The following CRTC3 variants were observed in gnomAD, a reference collection of about 807,000 sequenced individuals.
CRTC3 encodes CREB-regulated transcription coactivator 3.
A neutral mutation model predicts 74.5 loss-of-function variants in CRTC3; 26 were observed. The observed-to-expected ratio is 0.35, with a 90% CI of 0.26 to 0.48. The LOEUF (loss-of-function observed/expected upper bound fraction) is 0.48, where lower values mean the gene tolerates loss of function less well. Ranked by LOEUF, CRTC3 falls within the 20% of genes least tolerant of loss-of-function variation. The pLI, the probability that CRTC3 is intolerant of heterozygous loss-of-function variation, is 0.99. For missense variants in CRTC3, 760 were observed against 787.3 expected (o/e 0.97, Z 0.41); for synonymous variants, 377 against 325.8 (o/e 1.16, Z -1.69).
Position 90,641,992 on chromosome 15 carries a change from T to G in CRTC3, c.1712T>G (p.Val571Gly). 1 of 1,613,604 alleles carries G rather than the reference T, an allele frequency of 6.2e-7. No homozygotes were observed. Among genetic ancestry groups the G allele is most frequent in the South Asian group, 1.1e-5 (1 of 91,058 alleles). ...AGTGCGCTGGCAGGCCTGCCTGAGGTCAGCCTGAACGTGGACACTCCATTT... is the reference window on the plus strand; with the variant it reads ...AGTGCGCTGGCAGGCCTGCCTGAGGGCAGCCTGAACGTGGACACTCCATTT... ...LNSALAGLPE[V>G]SLNVDTPFPL... Residue 571 changes from valine to glycine, a missense_variant, in exon 15 of 15, where the codon GTC (valine) becomes GGC (glycine). By Grantham distance (109) the Val-to-Gly change is moderately radical (BLOSUM62 -3). Around this residue, in one of 2 missense-constraint regions of CRTC3, gnomAD observed 652 missense variants for 635.2 expected, o/e 1.03. Coordinates refer to ENST00000268184, the MANE Select transcript of CRTC3 (RefSeq NM_022769.5).
At chr15:90,619,605 G>T (rs1427499731) in intron 8 of CRTC3, 136 bp from the exon 9 acceptor site, 3 of 709,420 alleles carry the variant, frequency 4.2e-6, no homozygotes, top group Non-Finnish European at 5.0e-6. Flanking sequence ...CTAAAAGGCT[G>T]CTGTGTGAGG....
chr15:90,596,680 T>C (rs1049133333), intron 3 of CRTC3, among the ~76,000 whole-genome samples: 14 of 152,142 alleles, frequency 9.2e-5, no homozygotes, highest in African/African-American at 3.4e-4. Flanking sequence ...CTATTCCACT[T>C]GGAGGAGGAG....
At chr15:90,584,584 GGGT>G (rs1300876116) in intron 2 of CRTC3, among the ~76,000 whole-genome samples, 1 of 152,190 alleles carries the variant, frequency 6.6e-6, no homozygotes, top group Non-Finnish European at 1.5e-5. Context: ...ATGTCGTCCA[GGGT>G]GGACACCAAC....
intron 2 of CRTC3, 30 bp from the exon 3 acceptor site, chr15:90,593,606 A>G (rs759468123): frequency 6.3e-7 from 1 of 1,586,188 alleles, no homozygotes; most frequent in East Asian, 2.3e-5. Flanking sequence ...TCATGGTTGG[A>G]GGCCAACTCT....
chr15:90,540,560 G>A (rs893672108), intron 2 of CRTC3, among the ~76,000 whole-genome samples: 1 of 152,090 alleles, frequency 6.6e-6, no homozygotes, highest in African/African-American at 2.4e-5. Flanking sequence ...ATCACCTGAG[G>A]TCAGGAGTTC....
rs1271120834 is a variant in CRTC3 at position 90,581,397 on chromosome 15, C to T, written c.232-12239C>T. 3.3e-5 allele frequency among the ~76,000 whole-genome samples: 5 copies of T among 152,148 alleles called. 2 individuals carry two copies. In the South Asian group the frequency reaches 8.3e-4, roughly 25 times the overall value. On this transcript the variant is annotated intron_variant, in intron 2 of 14. Transcript: ENST00000268184. ...TCCAGAGCATTTTATTCTTTCCAGA[C>T]ATGTTTTCTCTTATACTTTCCTAGT...
intron 12 of CRTC3, 22 bp from the exon 13 acceptor site, chr15:90,638,713 A>G: frequency 6.2e-7 from 1 of 1,613,534 alleles, no homozygotes; most frequent in Non-Finnish European, 8.5e-7. Context: ...AAGCTAAATG[A>G]TCATCTCCTT....
At chr15:90,624,684 C>T (rs1390120570) in intron 9 of CRTC3, among the ~76,000 whole-genome samples, 4 of 152,270 alleles carry the variant, frequency 2.6e-5, no homozygotes. Flanking sequence ...AGCGCGCTTC[C>T]TGCCACGTTG....
intron 2 of CRTC3, among the ~76,000 whole-genome samples, chr15:90,573,186 C>A (rs1393160656): frequency 6.6e-6 from 1 of 152,168 alleles, no homozygotes; most frequent in African/African-American, 2.4e-5. Flanking sequence ...TTTCACTTAG[C>A]ATAATGGGTA....
Position 90,638,822 on chromosome 15 carries a change from G to A in CRTC3, c.1548+7G>A, listed in dbSNP as rs1226298274. The A allele has an allele frequency of 1.2e-6, 2 of 1,611,422 alleles. No homozygotes were observed. Among genetic ancestry groups the A allele is most frequent in the Non-Finnish European group, 1.7e-6 (2 of 1,177,748 alleles). On this transcript the variant is annotated splice_region_variant and intron_variant, in intron 13 of 14. Coordinates refer to ENST00000268184, the MANE Select transcript of CRTC3 (RefSeq NM_022769.5). Reference sequence around the variant, plus strand: ...CCCTGCCTTTCCTCAACAGGTGGGTGATCGCCCCTGCCTTCTCCTCCCTTG... The same window carrying A: ...CCCTGCCTTTCCTCAACAGGTGGGTAATCGCCCCTGCCTTCTCCTCCCTTG...
At position 90,551,855 on chromosome 15, in the gene CRTC3, A is replaced by G. The variant is rs559104860; in HGVS notation, c.231+11718A>G. Among the ~76,000 whole-genome samples, 5 of 152,416 alleles carry G rather than the reference A, an allele frequency of 3.3e-5. No individual in the cohort carries two copies. The East Asian group carries it at 7.7e-4, about 23-fold the overall frequency. ...AGATCTCCGCTTGGTAGAATTTCTC[A>G]CTGTAAAATGTGGCGGTTCCTCTGA... On this transcript the variant is annotated intron_variant, in intron 2 of 14. Transcript: ENST00000268184.
At chr15:90,597,823 G>C (rs2151079811) in intron 3 of CRTC3, 1 of 152,328 alleles carries the variant, frequency 6.6e-6, no homozygotes, top group Middle Eastern at 3.4e-3. Flanking sequence ...CTCATTTGCT[G>C]AGGGAAACAG....
rs1037965261 is a variant in CRTC3, at chr15:90,642,260, G to A, written c.*120G>A. The A allele has an allele frequency of 1.3e-5, 10 of 760,992 alleles. No homozygotes were observed. Among genetic ancestry groups the A allele is most frequent in the South Asian group, 5.1e-5 (3 of 58,686 alleles). The allele number at this position is 760,992 out of a possible 1,614,324, so 47.1% of individuals were successfully genotyped here. ...TTGACATAGAAGGAAGCAATGCCACGGCTCCAGGGTTTCAGATGAGATCCC... is the reference window on the plus strand; with the variant it reads ...TTGACATAGAAGGAAGCAATGCCACAGCTCCAGGGTTTCAGATGAGATCCC... On this transcript the variant is annotated 3_prime_UTR_variant, in exon 15 of 15. Coordinates refer to ENST00000268184, the MANE Select transcript of CRTC3 (RefSeq NM_022769.5).
rs1969515475 is a variant in CRTC3, at chr15:90,643,274, C to A, written c.*1134C>A. On this transcript the variant is annotated 3_prime_UTR_variant, in exon 15 of 15. Transcript: ENST00000268184. ...CAGGCTCACCTGTAGCTATCCCCTT[C>A]CCTGCCAGATCTTCTCAGAGCTTTA... 1 of 232,422 alleles carries A rather than the reference C, an allele frequency of 4.3e-6. No homozygotes were observed. The allele number at this position is 232,422 out of a possible 1,614,324, so 14.4% of individuals were successfully genotyped here. A position where few individuals can be genotyped will look rare whatever the true frequency, so the allele number is the denominator to read the frequency against.
intron 2 of CRTC3, among the ~76,000 whole-genome samples, chr15:90,564,901 C>A (rs1469899921): frequency 7.4e-6 from 1 of 136,034 alleles, no homozygotes; most frequent in African/African-American, 2.7e-5. Flanking sequence ...AACAATTTAA[C>A]CAACCTTCCT....
At chr15:90,598,238 G>A (rs1483265870) in intron 3 of CRTC3, 3 of 580,640 alleles carry the variant, frequency 5.2e-6, no homozygotes, top group Non-Finnish European at 9.2e-6. Context: ...GGGACGGGAA[G>A]CCAAGAGAAG....
chr15:90,541,888 C>T (rs1347942566), intron 2 of CRTC3, among the ~76,000 whole-genome samples: 3 of 147,846 alleles, frequency 2.0e-5, no homozygotes, highest in Admixed American at 1.4e-4. Flanking sequence ...TGGGTTCAAG[C>T]ATTCTCCTGC....
chr15:90,568,885 AT>A (rs1967188027), intron 2 of CRTC3, among the ~76,000 whole-genome samples: 3 of 152,108 alleles, frequency 2.0e-5, no homozygotes, highest in African/African-American at 7.2e-5. Context: ...GATCCTTAGC[AT>A]TTTTTAGCAA....
chr15:90,598,308 G>A (rs1018599779), intron 3 of CRTC3: 5 of 648,378 alleles, frequency 7.7e-6, no homozygotes, highest in South Asian at 3.5e-5. Flanking sequence ...GGGCCAGGGC[G>A]GGTCTTGTTT....
Sources: allele counts gnomAD v4.1 joint callset (sites outside exome capture counted in the v4.1 genomes callset), GRCh38; gene constraint gnomAD v4.1.1; regional missense constraint gnomAD v4.1.1; transcripts MANE v1.5; gene names NCBI Gene and HGNC (gene_info 2026-07-23, HGNC 2026-07-21).